SNX14: variants seen among roughly 807,000 people sequenced by gnomAD.
SNX14 encodes sorting nexin 14.
In SNX14, 93 loss-of-function variants were observed where a neutral mutation model predicts 133.8. The ratio of observed to expected loss-of-function variants is 0.70; its 90% CI spans 0.59 to 0.83. The LOEUF (loss-of-function observed/expected upper bound fraction) is 0.83, where lower values mean the gene tolerates loss of function less well. Ranked by LOEUF, SNX14 falls within the 40% of genes least tolerant of loss-of-function variation. The probability of loss-of-function intolerance (pLI) is 0.00; values close to 1 mark genes in which losing one functional copy is unlikely to be tolerated. For synonymous variants in SNX14, 368 were observed against 365.6 expected (o/e 1.01, Z -0.07); for missense variants, 945 against 1,094.9 (o/e 0.86, Z 1.93).
Position 85,528,335 on chromosome 6 carries a change from G to A in SNX14, c.1922C>T (p.Ser641Phe). ...HGAFPDAQLP[S>F]KRIIGPKNYE... ...ATTTTTGGGGCCAATGATCCTCTTA[G>A]AAGGAAGCTGGGCATCAGGAAATGC... is the stretch of plus-strand genomic sequence containing the variant. The change falls in exon 20 of 29, where the codon TCT becomes TTT. Residue 641 changes from serine (S) to phenylalanine (F), a missense_variant. Ser to Phe is a radical substitution (Grantham distance 155). This residue lies in a region of SNX14 where 412 missense variants were observed against 516.6 expected (regional missense o/e 0.80). Coordinates refer to ENST00000314673, the MANE Select transcript of SNX14 (RefSeq NM_153816.6). 1 of 1,613,184 alleles carries A rather than the reference G, an allele frequency of 6.2e-7. No homozygotes were observed. Among genetic ancestry groups the A allele is most frequent in the Non-Finnish European group, 8.5e-7 (1 of 1,179,564 alleles).
intron 7 of SNX14, among the ~76,000 whole-genome samples, chr6:85,554,305 T>C (rs964110163): frequency 3.3e-5 from 5 of 150,992 alleles, no homozygotes; most frequent in East Asian, 3.9e-4. Context: ...TATACACACA[T>C]GTGTATATAT....
At chr6:85,551,403 T>C (rs1273867600) in intron 7 of SNX14, among the ~76,000 whole-genome samples, 2 of 152,218 alleles carry the variant, frequency 1.3e-5, no homozygotes, top group African/African-American at 2.4e-5. Flanking sequence ...GTCAGATTCC[T>C]GGTTTGGGGC....
chr6:85,555,271 G>A (rs1252657508), intron 7 of SNX14, among the ~76,000 whole-genome samples: 4 of 152,006 alleles, frequency 2.6e-5, no homozygotes, highest in African/African-American at 4.8e-5. Flanking sequence ...TACTTCCCCC[G>A]CACAAAAACC....
chr6:85,533,867 C>G (rs41271625), intron 17 of SNX14, 67 bp from the exon 18 acceptor site: 456 of 1,286,388 alleles, frequency 3.5e-4, no homozygotes, highest in Non-Finnish European at 4.4e-4. Context: ...ATATGAGATA[C>G]AAGTATAAAG....
At chr6:85,523,285 A>G (rs887485152) in intron 21 of SNX14, among the ~76,000 whole-genome samples, 3 of 152,216 alleles carry the variant, frequency 2.0e-5, no homozygotes, top group African/African-American at 7.2e-5. Context: ...CTTTAGGAAG[A>G]TTAACGTGGC....
intron 21 of SNX14, 128 bp from the exon 22 acceptor site, chr6:85,518,176 G>C (rs1223927942): frequency 4.2e-6 from 3 of 708,160 alleles, no homozygotes; most frequent in Admixed American, 2.8e-5. Flanking sequence ...ATTTATGATT[G>C]ACCATTTCAC....
intron 1 of SNX14, among the ~76,000 whole-genome samples, chr6:85,587,468 T>A (rs931495798): frequency 6.6e-6 from 1 of 152,192 alleles, no homozygotes; most frequent in African/African-American, 2.4e-5. Context: ...AAAATAACTT[T>A]TAAAAAATTT....
intron 26 of SNX14, among the ~76,000 whole-genome samples, chr6:85,509,551 G>T (rs1360310618): frequency 1.3e-5 from 2 of 152,042 alleles, no homozygotes; most frequent in African/African-American, 4.8e-5. Flanking sequence ...GTAGTTTTGT[G>T]TTCACAATGA....
chr6:85,526,320 T>C, intron 20 of SNX14, 83 bp from the exon 21 acceptor site: 1 of 830,026 alleles, frequency 1.2e-6, no homozygotes, highest in Non-Finnish European at 1.9e-6. Context: ...CTTTAAATTT[T>C]AAATCCCCAA....
At chr6:85,591,461 C>T (rs1802733647) in intron 1 of SNX14, among the ~76,000 whole-genome samples, 1 of 152,146 alleles carries the variant, frequency 6.6e-6, no homozygotes, top group Admixed American at 6.6e-5. Context: ...CACTCATAAA[C>T]CCAACCACTC....
rs547950443 is a variant in SNX14 at position 85,515,820 on chromosome 6, A to G, written c.2269-1191T>C. Among the ~76,000 whole-genome samples the G allele has an allele frequency of 1.6e-4, 25 of 152,228 alleles. No homozygotes were observed. The East Asian group carries it at 4.8e-3, about 29-fold the overall frequency. On this transcript the variant is annotated intron_variant, in intron 23 of 28. Transcript: ENST00000314673. Reference sequence around the variant, plus strand: ...TTATATAGTAAGTCTGGAAAACGGGAAAAACAACTCAATTTTGTTTTCCCT... The same window carrying G: ...TTATATAGTAAGTCTGGAAAACGGGGAAAACAACTCAATTTTGTTTTCCCT...
chr6:85,590,570 G>A (rs188164359), intron 1 of SNX14, among the ~76,000 whole-genome samples: 10 of 152,222 alleles, frequency 6.6e-5, no homozygotes, highest in East Asian at 1.9e-4. Flanking sequence ...CTTTTTCTCC[G>A]GTTCTCTTGA....
intron 26 of SNX14, 80 bp from the exon 27 acceptor site, chr6:85,508,139 C>T (rs1231690711): frequency 1.3e-6 from 2 of 1,503,008 alleles, no homozygotes; most frequent in African/African-American, 1.4e-5. Flanking sequence ...GCAAAATCAC[C>T]ACCCTGTTTC....
At chr6:85,506,090 C>G (rs1322458303) in intron 28 of SNX14, 85 bp from the exon 29 acceptor site, 15 of 856,996 alleles carry the variant, frequency 1.8e-5, no homozygotes, top group Middle Eastern at 2.2e-4. Context: ...TATTAAAATT[C>G]TAACCTAAGA....
At chr6:85,593,483 C>T in intron 1 of SNX14, 96 bp downstream of exon 1, 1 of 1,466,854 alleles carries the variant, frequency 6.8e-7, no homozygotes, top group Non-Finnish European at 9.0e-7. Flanking sequence ...TCCCCAGTCC[C>T]GCAGCTACGC....
At chr6:85,578,055 GT>G (rs1309025078) in intron 1 of SNX14, among the ~76,000 whole-genome samples, 2 of 152,166 alleles carry the variant, frequency 1.3e-5, no homozygotes, top group African/African-American at 2.4e-5. Flanking sequence ...GGGAGAGTAA[GT>G]TAAGGTTTTT....
At position 85,591,692 on chromosome 6, in the gene SNX14, G is replaced by A. The variant is rs189561209; in HGVS notation, c.140+1887C>T. On this transcript the variant is annotated intron_variant, in intron 1 of 28. Transcript: ENST00000314673. ...TAAACTGACCCAGTTCCCAAAAGAG[G>A]TAGGTAAGAATCCATGGACAAAAGT... Among the ~76,000 whole-genome samples the A allele has an allele frequency of 1.2e-3, 176 of 152,198 alleles. 1 individual carries two copies. Among genetic ancestry groups the A allele is most frequent in the African/African-American group, 3.9e-3 (162 of 41,522 alleles).
At chr6:85,564,576 A>G (rs1267051622) in intron 6 of SNX14, among the ~76,000 whole-genome samples, 1 of 152,220 alleles carries the variant, frequency 6.6e-6, no homozygotes, top group African/African-American at 2.4e-5. Flanking sequence ...ACAAACCAAG[A>G]TAACTAAGCA....
intron 14 of SNX14, 76 bp from the exon 15 acceptor site, chr6:85,542,119 C>G: frequency 9.9e-7 from 1 of 1,007,542 alleles, no homozygotes; most frequent in Non-Finnish European, 1.4e-6. Context: ...TAGTTTACTA[C>G]TTTCCAGTTT....
Sources: allele counts gnomAD v4.1 joint callset (sites outside exome capture counted in the v4.1 genomes callset), GRCh38; gene constraint gnomAD v4.1.1; regional missense constraint gnomAD v4.1.1; transcripts MANE v1.5; gene names NCBI Gene and HGNC (gene_info 2026-07-23, HGNC 2026-07-21).